CDK6: variants seen among roughly 807,000 people sequenced by gnomAD.
CDK6 encodes the protein cyclin-dependent kinase 6.
CDK6 carries 6 observed loss-of-function variants against 37.1 expected under a neutral mutation model. The observed-to-expected ratio is 0.16, with a 90% CI of 0.09 to 0.32. CDK6 has a LOEUF of 0.32. CDK6 is among the 10% of genes least tolerant of loss of function. The pLI, the probability that CDK6 is intolerant of heterozygous loss-of-function variation, is 1.00. For missense variants in CDK6, 224 were observed against 418.9 expected (o/e 0.53, Z 4.06); for synonymous variants, 160 against 161.3 (o/e 0.99, Z 0.06).
At chr7:92,748,023 T>C (rs1311053799) in intron 3 of CDK6, among the ~76,000 whole-genome samples, 2 of 152,200 alleles carry the variant, frequency 1.3e-5, no homozygotes, top group Non-Finnish European at 2.9e-5. Flanking sequence ...GATGGTAATA[T>C]ACTATATTAT....
At chr7:92,678,066 C>T (rs1245595408) in intron 4 of CDK6, among the ~76,000 whole-genome samples, 2 of 152,120 alleles carry the variant, frequency 1.3e-5, no homozygotes, top group Non-Finnish European at 2.9e-5. Flanking sequence ...TGAATAATAT[C>T]AATAAAATTG....
chr7:92,717,576 T>G (rs1053914097), intron 4 of CDK6, among the ~76,000 whole-genome samples: 1 of 152,170 alleles, frequency 6.6e-6, no homozygotes, highest in Admixed American at 6.5e-5. Flanking sequence ...CATACCCTGA[T>G]AGATGCTGGC....
chr7:92,707,246 G>A (rs1797988666), intron 4 of CDK6, among the ~76,000 whole-genome samples: 1 of 152,088 alleles, frequency 6.6e-6, no homozygotes, highest in Admixed American at 6.6e-5. Flanking sequence ...GATAGGTACT[G>A]TCATTTTCTC....
Position 92,787,018 on chromosome 7 carries a change from C to CA in CDK6, c.234-12188dup, listed in dbSNP as rs555704894. Among the ~76,000 whole-genome samples, 24 of 151,530 alleles carry CA rather than the reference C, an allele frequency of 1.6e-4. No individual in the cohort carries two copies. The South Asian group carries it at 4.6e-3, about 29-fold the overall frequency. On this transcript the variant is annotated intron_variant, in intron 2 of 7. Transcript: ENST00000424848. ...GGCCAACATGGTGAAACACTCTCCA[C>CA]AAAAAATACAAAAATTAGCTGGGTG...
chr7:92,834,020 C>T lies in CDK6; in HGVS notation c.-367-330G>A. On this transcript the variant is annotated intron_variant, in intron 1 of 7. Coordinates refer to ENST00000424848, the MANE Select transcript of CDK6 (RefSeq NM_001145306.2). This position sits in a 1 kb window ranked among gnomAD's most constrained non-coding sequence, Gnocchi z 4.6. ...TGCCGGGAGCGCGGGGGAGGGGAGG[C>T]GCCGGGCACGTCAATGTCACGGCTT... The T allele has an allele frequency of 2.5e-6, 1 of 397,756 alleles. No individual in the cohort carries two copies. 24.6% of individuals were successfully genotyped at this position (397,756 alleles called of 1,614,324 possible).
intron 3 of CDK6, among the ~76,000 whole-genome samples, chr7:92,753,267 C>T (rs1799229882): frequency 6.6e-6 from 1 of 151,988 alleles, no homozygotes; most frequent in Admixed American, 6.6e-5. Context: ...AAATCATTTA[C>T]AGTCTACCCA....
intron 4 of CDK6, among the ~76,000 whole-genome samples, chr7:92,696,565 C>G (rs1797723093): frequency 6.6e-6 from 1 of 151,962 alleles, no homozygotes; most frequent in Non-Finnish European, 1.5e-5. Context: ...TTTCAGGACA[C>G]AAGATTTACT....
At chr7:92,714,271 A>G (rs754988154) in intron 4 of CDK6, among the ~76,000 whole-genome samples, 5 of 152,204 alleles carry the variant, frequency 3.3e-5, no homozygotes, top group African/African-American at 9.7e-5. Flanking sequence ...GGAATGGGAA[A>G]GGCAATCTAA....
rs748360063 is a variant in CDK6 at position 92,643,178 on chromosome 7, C to T, written c.648-20092G>A. 3.9e-5 allele frequency among the ~76,000 whole-genome samples: 6 copies of T among 152,272 alleles called. No individual in the cohort carries two copies. The South Asian group carries it at 8.3e-4, about 21-fold the overall frequency. ...TTGGGATTACAGGCTTGAGCCACCA[C>T]GCCCGGCCAAATCCCGGGTTTTAAA... On this transcript the variant is annotated intron_variant, in intron 5 of 7. Transcript: ENST00000424848.
At chr7:92,716,357 C>A (rs1042778516) in intron 4 of CDK6, among the ~76,000 whole-genome samples, 3 of 152,178 alleles carry the variant, frequency 2.0e-5, no homozygotes, top group Non-Finnish European at 2.9e-5. Flanking sequence ...TGGAGCTGAG[C>A]TTCAAAAAAC....
At position 92,622,447 on chromosome 7, in the gene CDK6, T is replaced by C. The variant is rs1177094882; in HGVS notation, c.698+589A>G. ...AGTAATAGATAACTTTTTAAAGTGC[T>C]TACTATGTGCCAGGCACTGTGTAAG... is the stretch of plus-strand genomic sequence containing the variant. On this transcript the variant is annotated intron_variant, in intron 6 of 7. Transcript: ENST00000424848. Among the ~76,000 whole-genome samples the C allele has an allele frequency of 2.6e-5, 4 of 152,300 alleles. No individual in the cohort carries two copies. In the South Asian group the frequency reaches 8.3e-4, roughly 32 times the overall value.
At position 92,774,851 on chromosome 7, in the gene CDK6, G is replaced by A. The variant is rs2115786706; in HGVS notation, c.234-20C>T. ...AACAACCTAGAAGAAAAAACAAAGA[G>A]GTTAAGTAGGTGGCAATAAGCAAAG... On this transcript the variant is annotated intron_variant, in intron 2 of 7. Transcript: ENST00000424848. 2 of 1,598,680 alleles carry A rather than the reference G, an allele frequency of 1.3e-6. No individual in the cohort carries two copies. Among genetic ancestry groups the A allele is most frequent in the African/African-American group, 1.4e-5 (1 of 73,918 alleles).
chr7:92,638,333 G>A (rs1470804496), intron 5 of CDK6, among the ~76,000 whole-genome samples: 2 of 152,200 alleles, frequency 1.3e-5, no homozygotes, highest in East Asian at 1.9e-4. Context: ...ATGGAGCAGA[G>A]TGACTCTGCC....
intron 4 of CDK6, among the ~76,000 whole-genome samples, chr7:92,684,630 T>C (rs1480816988): frequency 1.3e-5 from 2 of 152,186 alleles, no homozygotes; most frequent in African/African-American, 2.4e-5. Flanking sequence ...GTATTCTATC[T>C]CTGCAAATGA....
chr7:92,672,344 A>T (rs1797110451), intron 4 of CDK6, among the ~76,000 whole-genome samples: 1 of 151,260 alleles, frequency 6.6e-6, no homozygotes, highest in South Asian at 2.1e-4. Flanking sequence ...TTGGGGAATC[A>T]AAGTAAAACC....
At chr7:92,779,724 C>G (rs1799939277) in intron 2 of CDK6, among the ~76,000 whole-genome samples, 1 of 152,146 alleles carries the variant, frequency 6.6e-6, no homozygotes, top group Non-Finnish European at 1.5e-5. Flanking sequence ...CTTCCCAAAA[C>G]TATGAAATTT....
intron 4 of CDK6, among the ~76,000 whole-genome samples, chr7:92,713,667 T>TAAAAAAAAAAAAAAAAA (rs535072218): frequency 1.5e-5 from 1 of 67,210 alleles, no homozygotes; most frequent in Non-Finnish European, 3.3e-5. Flanking sequence ...TTAAAAAAAG[T>TAAAAAAAAAAAAAAAAA]AAAAAAAAAA....
At chr7:92,692,310 T>C (rs187281976) in intron 4 of CDK6, among the ~76,000 whole-genome samples, 6 of 152,156 alleles carry the variant, frequency 3.9e-5, no homozygotes, top group South Asian at 2.1e-4. Context: ...ATGTGTTCTG[T>C]AGCAAAATCT....
At chr7:92,757,358 T>C (rs966358938) in intron 3 of CDK6, among the ~76,000 whole-genome samples, 5 of 152,210 alleles carry the variant, frequency 3.3e-5, no homozygotes, top group African/African-American at 1.2e-4. Flanking sequence ...TTTGTGTTCA[T>C]AAGTTCTCAT....
Sources: allele counts gnomAD v4.1 joint callset (sites outside exome capture counted in the v4.1 genomes callset), GRCh38; gene constraint gnomAD v4.1.1; non-coding constraint Gnocchi (gnomAD v3.1); transcripts MANE v1.5; gene names NCBI Gene and HGNC (gene_info 2026-07-23, HGNC 2026-07-21).